ATF1: variants seen among roughly 807,000 people sequenced by gnomAD.
The protein encoded by ATF1 is activating transcription factor 1.
Under a neutral mutation model 34.7 loss-of-function variants are expected in ATF1, and 16 were observed. The ratio of observed to expected loss-of-function variants is 0.46; its 90% confidence interval spans 0.31 to 0.70. The LOEUF is 0.70. Among genes scored for constraint, ATF1 ranks in the 30% least tolerant of loss-of-function variants. The pLI, the probability that ATF1 is intolerant of heterozygous loss-of-function variation, is 0.05. For synonymous variants in ATF1, 105 were observed against 113.1 expected (o/e 0.93, Z 0.46); for missense variants, 255 against 321.6 (o/e 0.79, Z 1.58).
intron 3 of ATF1, among the ~76,000 whole-genome samples, chr12:50,808,500 T>C (rs1413109644): frequency 6.6e-6 from 1 of 151,470 alleles, no homozygotes. Context: ...AGCTAATTAT[T>C]GTATTTTTAG....
At chr12:50,809,333 C>T (rs1450560658) in intron 3 of ATF1, 123 bp from the exon 4 acceptor site, 5 of 826,598 alleles carry the variant, frequency 6.0e-6, no homozygotes, top group Non-Finnish European at 8.9e-6. Context: ...ATGATGGCGC[C>T]ACTGTACTCC....
In ATF1 at chr12:50,820,156, CT is replaced by C. The variant is rs889359479; in HGVS notation, c.*384del. 3.0e-5 allele frequency: 7 copies of C among 230,064 alleles called. No individual in the cohort carries two copies. Among genetic ancestry groups the C allele is most frequent in the East Asian group, 1.4e-4 (2 of 14,394 alleles). 14.3% of individuals were successfully genotyped at this position (230,064 alleles called of 1,614,324 possible). On this transcript the variant is annotated 3_prime_UTR_variant, in exon 7 of 7. Coordinates refer to ENST00000262053, the MANE Select transcript of ATF1 (RefSeq NM_005171.5). ...TTTGCATTTGTTTGCTGAAATTTACCTTTTTTTAGTTATATATATGTGTGTG... is the reference window on the plus strand; with the variant it reads ...TTTGCATTTGTTTGCTGAAATTTACCTTTTTTAGTTATATATATGTGTGTG...
upstream of ATF1, among the ~76,000 whole-genome samples, chr12:50,763,532 T>G (rs573957587): frequency 6.7e-6 from 1 of 149,500 alleles, no homozygotes; most frequent in Non-Finnish European, 1.5e-5. Context: ...GGAGAATCGC[T>G]TGAATCCCGG....
chr12:50,810,040 G>T (rs1941702479), intron 4 of ATF1, among the ~76,000 whole-genome samples: 5 of 151,726 alleles, frequency 3.3e-5, no homozygotes, highest in Admixed American at 3.3e-4. Context: ...CACCATATTG[G>T]CCAGGCTGGT....
intron 1 of ATF1, among the ~76,000 whole-genome samples, chr12:50,779,444 C>T (rs1456647277): frequency 6.6e-6 from 1 of 152,078 alleles, no homozygotes; most frequent in Non-Finnish European, 1.5e-5. Context: ...TGATATTACC[C>T]ATTCTAATGG....
intron 3 of ATF1, among the ~76,000 whole-genome samples, chr12:50,798,662 T>TGAAAA (rs1941458268): frequency 6.6e-6 from 1 of 152,074 alleles, no homozygotes; most frequent in Admixed American, 6.6e-5. Flanking sequence ...CTATAACATC[T>TGAAAA]GAAAAGAAAC....
At chr12:50,790,794 A>G (rs7133974) in intron 2 of ATF1, among the ~76,000 whole-genome samples, 52,411 of 151,514 alleles carry the variant, frequency 0.35, 9,327 homozygotes, top group Non-Finnish European at 0.39. Context: ...ACTCTCCCAC[A>G]GACTGGGAGA....
Position 50,806,440 on chromosome 12 carries a change from C to A in ATF1, c.195-3016C>A, listed in dbSNP as rs202078498. On this transcript the variant is annotated intron_variant, in intron 3 of 6. Transcript: ENST00000262053. The stretch of plus-strand genomic sequence containing the variant: ...GGTTCCCATCAACACCAGGTTCTGC[C>A]TGCACAGCACCACACAGGGCGGGCT... 1.4e-5 allele frequency: 6 copies of A among 434,844 alleles called. No individual in the cohort carries two copies. In the East Asian group the frequency reaches 2.3e-4, roughly 17 times the overall value. The allele number at this position is 434,844 out of a possible 1,614,324, so 26.9% of individuals were successfully genotyped here. A position where few individuals can be genotyped will look rare whatever the true frequency, so the allele number is the denominator to read the frequency against.
intron 4 of ATF1, among the ~76,000 whole-genome samples, chr12:50,810,611 G>A (rs545215593): frequency 1.6e-4 from 25 of 152,304 alleles, no homozygotes; most frequent in Admixed American, 3.3e-4. Context: ...TTTGACAAAT[G>A]TGTAGAATAG....
chr12:50,767,168 C>G (rs1940657517), intron 1 of ATF1, among the ~76,000 whole-genome samples: 1 of 151,940 alleles, frequency 6.6e-6, no homozygotes, highest in African/African-American at 2.4e-5. Context: ...GAATGTATTA[C>G]CAGTCAGATT....
At chr12:50,764,093 A>C (rs1302962727), upstream of ATF1, 1 of 126,284 alleles carries the variant, frequency 7.9e-6, no homozygotes, top group Non-Finnish European at 1.7e-5. Flanking sequence ...TGTGTAGATC[A>C]TGCCGCCAGT....
chr12:50,788,936 A>G (rs1268527755), intron 2 of ATF1, among the ~76,000 whole-genome samples: 2 of 152,190 alleles, frequency 1.3e-5, no homozygotes, highest in Non-Finnish European at 2.9e-5. Flanking sequence ...ACAAAGTGCT[A>G]TCTTGTGTTC....
At chr12:50,780,518 T>C (rs1014491409) in intron 2 of ATF1, among the ~76,000 whole-genome samples, 1 of 151,894 alleles carries the variant, frequency 6.6e-6, no homozygotes, top group African/African-American at 2.4e-5. Flanking sequence ...CTATTTTTTG[T>C]ATTTTTAGTA....
At chr12:50,800,412 A>C (rs1038811116) in intron 3 of ATF1, among the ~76,000 whole-genome samples, 1 of 152,232 alleles carries the variant, frequency 6.6e-6, no homozygotes, top group Non-Finnish European at 1.5e-5. Context: ...AAACAGCAAC[A>C]GAAATATCTG....
At chr12:50,812,019 G>A (rs1941748473) in intron 4 of ATF1, among the ~76,000 whole-genome samples, 1 of 152,158 alleles carries the variant, frequency 6.6e-6, no homozygotes, top group South Asian at 2.1e-4. Flanking sequence ...ACTGTTGAGT[G>A]CTTGAAATAT....
intron 4 of ATF1, 29 bp from the exon 5 acceptor site, chr12:50,813,981 C>T (rs1941788869): frequency 6.3e-7 from 1 of 1,594,346 alleles, no homozygotes; most frequent in African/African-American, 1.3e-5. Context: ...TATAACCTTA[C>T]AATAGCTATT....
chr12:50,794,093 G>A (rs1008371059), intron 2 of ATF1, among the ~76,000 whole-genome samples: 1 of 151,790 alleles, frequency 6.6e-6, no homozygotes, highest in Non-Finnish European at 1.5e-5. Context: ...TGGGACTACA[G>A]GCGCCTACCA....
chr12:50,785,985 AG>A (rs1314628926), intron 2 of ATF1, among the ~76,000 whole-genome samples: 3 of 152,206 alleles, frequency 2.0e-5, no homozygotes, highest in African/African-American at 7.2e-5. Context: ...GCAAGTCACA[AG>A]TCCCTCCCAC....
chr12:50,812,313 GTA>G (rs921967890), intron 4 of ATF1, among the ~76,000 whole-genome samples: 3 of 152,286 alleles, frequency 2.0e-5, no homozygotes. Flanking sequence ...AATGGCAAAA[GTA>G]TATAAGTCTG....
Sources: allele counts gnomAD v4.1 joint callset (sites outside exome capture counted in the v4.1 genomes callset), GRCh38; gene constraint gnomAD v4.1.1; transcripts MANE v1.5; gene names NCBI Gene and HGNC (gene_info 2026-07-23, HGNC 2026-07-21).